EPHA3: variants seen among roughly 807,000 people sequenced by gnomAD.
The protein encoded by EPHA3 is ephrin type-A receptor 3.
In EPHA3, 42 loss-of-function variants were observed where a neutral mutation model predicts 107.1. The observed-to-expected ratio is 0.39, with a 90% confidence interval of 0.31 to 0.51. The LOEUF (loss-of-function observed/expected upper bound fraction) is 0.51. Ranked by LOEUF, EPHA3 falls within the 20% of genes least tolerant of loss-of-function variation. EPHA3 has a pLI of 0.78. For synonymous variants in EPHA3, 461 were observed against 424.8 expected, an observed-to-expected ratio of 1.09 and a Z score of -1.05; for missense variants, 1,183 against 1,211.2, an observed-to-expected ratio of 0.98 and a Z score of 0.35.
Position 89,210,035 on chromosome 3 carries a change from C to G in EPHA3, c.329C>G (p.Pro110Arg). Residue 110 changes from proline (P) to arginine (R), a missense_variant, in exon 3 of 17, where the codon CCA (proline) becomes CGA (arginine). Pro to Arg is a moderately radical substitution (Grantham distance 103). Transcript: ENST00000336596. Reference protein sequence around the residue: ...KFTLRDCNSIPLVLGTCKETF... With the variant: ...KFTLRDCNSIRLVLGTCKETF... The stretch of plus-strand genomic sequence containing the variant: ...ACTCTACGAGACTGCAATAGCATTC[C>G]ATTGGTTTTAGGAACTTGCAAGGAG... 6.2e-7 allele frequency: 1 copy of G among 1,614,002 alleles called. No homozygotes were observed. The highest frequency in any genetic ancestry group is 8.5e-7 in the Non-Finnish European group (1 of 1,179,938).
Position 89,224,104 on chromosome 3 carries a change from A to C in EPHA3, c.814+13584A>C, listed in dbSNP as rs552865988. Among the ~76,000 whole-genome samples, 81 of 152,332 alleles carry C rather than the reference A, an allele frequency of 5.3e-4. 2 individuals carry two copies. The South Asian group carries it at 6.6e-3, about 12-fold the overall frequency. Reference sequence around the variant, plus strand: ...AATGTGAAGCAATAAGAAAAGGTGGATAACTTTCTTGAACATAGGCACACA... The same window carrying C: ...AATGTGAAGCAATAAGAAAAGGTGGCTAACTTTCTTGAACATAGGCACACA... On this transcript the variant is annotated intron_variant, in intron 3 of 16. Transcript: ENST00000336596.
At position 89,472,549 on chromosome 3, in the gene EPHA3, G is replaced by T. The variant is rs776824087; in HGVS notation, c.2776G>T (p.Ala926Ser). ...TGACTGGCTTAATGGTGTCTGGACA[G>T]CACACTGCAAGGAAATCTTCACGGG... ...TGDWLNGVWT[A>S]HCKEIFTGVE... is the part of the protein sequence containing the mutation. The change falls in exon 16 of 17, where the codon GCA (alanine) becomes TCA (serine). Residue 926 changes from alanine (A) to serine (S), a missense_variant. Physicochemically the swap from Ala to Ser is moderately conservative, Grantham distance 99. Coordinates refer to ENST00000336596, the MANE Select transcript of EPHA3 (RefSeq NM_005233.6). 1 of 1,614,066 alleles carries T rather than the reference G, an allele frequency of 6.2e-7. No individual in the cohort carries two copies. Among genetic ancestry groups the T allele is most frequent in the Non-Finnish European group, 8.5e-7 (1 of 1,179,986 alleles).
chr3:89,276,307 AT>A (rs1244833976), intron 3 of EPHA3, among the ~76,000 whole-genome samples: 4 of 152,100 alleles, frequency 2.6e-5, no homozygotes, highest in Non-Finnish European at 4.4e-5. Flanking sequence ...TAGGATGTCT[AT>A]CAAGCATTGT....
At chr3:89,223,272 C>T (rs188757986) in intron 3 of EPHA3, among the ~76,000 whole-genome samples, 2 of 152,026 alleles carry the variant, frequency 1.3e-5, no homozygotes, top group African/African-American at 2.4e-5. Context: ...TGCTTCAGTG[C>T]GGAACTATTA....
intron 5 of EPHA3, among the ~76,000 whole-genome samples, chr3:89,391,985 T>C (rs1708753447): frequency 6.6e-6 from 1 of 152,196 alleles, no homozygotes; most frequent in Non-Finnish European, 1.5e-5. Flanking sequence ...TTTTAAATTT[T>C]CTTTTTACCA....
At chr3:89,221,953 ACCT>A (rs753447555) in intron 3 of EPHA3, among the ~76,000 whole-genome samples, 9 of 152,036 alleles carry the variant, frequency 5.9e-5, no homozygotes, top group Non-Finnish European at 1.3e-4. Context: ...AAAGGCAAAA[ACCT>A]CATATTAATT....
At position 89,430,617 on chromosome 3, in the gene EPHA3, A is replaced by G. The variant is rs199712227; in HGVS notation, c.2137-533A>G. ...GTGATTTAGTTTCTTATTGCTTTCTATTTTGTGACTACAATTCAGAAGTGG... is the reference window on the plus strand; with the variant it reads ...GTGATTTAGTTTCTTATTGCTTTCTGTTTTGTGACTACAATTCAGAAGTGG... On this transcript the variant is annotated intron_variant, in intron 12 of 16. Coordinates refer to ENST00000336596, the MANE Select transcript of EPHA3 (RefSeq NM_005233.6). Among the ~76,000 whole-genome samples the G allele has an allele frequency of 1.2e-3, 182 of 152,250 alleles. 1 individual carries two copies. Among genetic ancestry groups the G allele is most frequent in the African/African-American group, 4.3e-3 (177 of 41,580 alleles).
chr3:89,316,187 C>G (rs963546068), intron 3 of EPHA3, among the ~76,000 whole-genome samples: 1 of 151,672 alleles, frequency 6.6e-6, no homozygotes, highest in African/African-American at 2.4e-5. Flanking sequence ...AGGAGAAAAT[C>G]ACCCTGAATT....
At chr3:89,115,162 G>A (rs1334559257) in intron 1 of EPHA3, among the ~76,000 whole-genome samples, 2 of 152,078 alleles carry the variant, frequency 1.3e-5, no homozygotes, top group Non-Finnish European at 2.9e-5. Context: ...GCAGCTTGCT[G>A]ATTTCTAACC....
At chr3:89,407,702 C>T (rs1404909591) in intron 8 of EPHA3, among the ~76,000 whole-genome samples, 1 of 152,048 alleles carries the variant, frequency 6.6e-6, no homozygotes, top group Non-Finnish European at 1.5e-5. Context: ...ACTTTCTCAC[C>T]CAGAACAGGG....
rs78940165 is a variant in EPHA3 at position 89,167,868 on chromosome 3, CA to C, written c.153+40599del. On this transcript the variant is annotated intron_variant, in intron 2 of 16. Coordinates refer to ENST00000336596, the MANE Select transcript of EPHA3 (RefSeq NM_005233.6). ...ACTGTGTCTACATATTTGAGAATTGCAAAAGGTGGGAACAACACTTTCTTCA... is the reference window on the plus strand; with the variant it reads ...ACTGTGTCTACATATTTGAGAATTGCAAAGGTGGGAACAACACTTTCTTCA... 7.6e-4 allele frequency among the ~76,000 whole-genome samples: 116 copies of C among 152,148 alleles called. 1 individual carries two copies. In the East Asian group the frequency reaches 0.02, roughly 26 times the overall value.
chr3:89,346,757 C>T (rs1443646382), intron 5 of EPHA3, among the ~76,000 whole-genome samples: 4 of 147,612 alleles, frequency 2.7e-5, no homozygotes, highest in Non-Finnish European at 4.6e-5. Context: ...TTAGGTCTAA[C>T]GTTTAAGTCT....
chr3:89,258,781 C>T (rs1512912), intron 3 of EPHA3, among the ~76,000 whole-genome samples: 77,143 of 151,946 alleles, frequency 0.51, 20,791 homozygotes, highest in African/African-American at 0.69. Context: ...GTCAATTCCA[C>T]TAAAACCAAT....
intron 5 of EPHA3, among the ~76,000 whole-genome samples, chr3:89,385,590 T>A (rs1708600487): frequency 1.3e-5 from 2 of 152,210 alleles, no homozygotes. Flanking sequence ...CTTTCCTTTA[T>A]AAATTACCCA....
At chr3:89,203,934 C>T (rs1706037493) in intron 2 of EPHA3, among the ~76,000 whole-genome samples, 1 of 152,116 alleles carries the variant, frequency 6.6e-6, no homozygotes, top group African/African-American at 2.4e-5. Flanking sequence ...ATGAGCCCAG[C>T]TGCGAGGTTG....
chr3:89,456,513 C>T (rs1710100303), intron 15 of EPHA3, among the ~76,000 whole-genome samples: 1 of 152,020 alleles, frequency 6.6e-6, no homozygotes, highest in African/African-American at 2.4e-5. Flanking sequence ...GCATATACCG[C>T]AATAGAAGTC....
intron 3 of EPHA3, among the ~76,000 whole-genome samples, chr3:89,266,514 A>T (rs1306256316): frequency 6.6e-6 from 1 of 152,142 alleles, no homozygotes; most frequent in African/African-American, 2.4e-5. Context: ...GTGAACTTCA[A>T]TTACTACAGA....
At chr3:89,197,442 A>C (rs1286653287) in intron 2 of EPHA3, among the ~76,000 whole-genome samples, 1 of 60,636 alleles carries the variant, frequency 1.6e-5, no homozygotes, top group Non-Finnish European at 4.3e-5. Flanking sequence ...AAAAAAAAAT[A>C]AAAACATAAA....
At chr3:89,227,601 T>A (rs1704531420) in intron 3 of EPHA3, among the ~76,000 whole-genome samples, 1 of 152,020 alleles carries the variant, frequency 6.6e-6, no homozygotes, top group Non-Finnish European at 1.5e-5. Flanking sequence ...CTCAATTACC[T>A]TGTACATATC....
Sources: gnomAD v4.1 joint callset for allele counts (sites outside exome capture counted in the v4.1 genomes callset) on GRCh38, gnomAD v4.1.1 for gene constraint, MANE v1.5 for transcripts, NCBI Gene and HGNC (gene_info 2026-07-23, HGNC 2026-07-21) for gene names.